CATSPERE: variants seen among roughly 807,000 people sequenced by gnomAD.
CATSPERE encodes the protein cation channel sperm-associated auxiliary subunit epsilon.
CATSPERE carries 93 observed loss-of-function variants against 114.1 expected under a neutral mutation model. The ratio of observed to expected loss-of-function variants is 0.81; its 90% CI spans 0.69 to 0.97. The LOEUF (loss-of-function observed/expected upper bound fraction) is 0.97. Among genes scored for constraint, CATSPERE ranks in the 50% least tolerant of loss-of-function variants. CATSPERE has a pLI of 0.00. For synonymous variants in CATSPERE, 341 were observed against 384.1 expected (o/e 0.89, Z 1.31); for missense variants, 1,058 against 1,131.6 (o/e 0.93, Z 0.93).
chr1:244,582,490 C>T (rs1025854948), intron 12 of CATSPERE, among the ~76,000 whole-genome samples: 10 of 151,646 alleles, frequency 6.6e-5, no homozygotes, highest in Non-Finnish European at 1.3e-4. Flanking sequence ...GCAACCTCCA[C>T]CTCGCAGGTT....
At chr1:244,621,401 T>C (rs1298154060) in intron 20 of CATSPERE, among the ~76,000 whole-genome samples, 1 of 146,300 alleles carries the variant, frequency 6.8e-6, no homozygotes, top group African/African-American at 2.5e-5. Context: ...CTGGATTTCA[T>C]ATTAGCTGAC....
intron 11 of CATSPERE, among the ~76,000 whole-genome samples, chr1:244,577,428 C>A (rs571824495): frequency 6.6e-6 from 1 of 152,324 alleles, no homozygotes; most frequent in Admixed American, 6.5e-5. Context: ...TGTTTGAAAT[C>A]TATCTTAGTC....
intron 8 of CATSPERE, among the ~76,000 whole-genome samples, chr1:244,544,393 A>G (rs1659391304): frequency 1.3e-5 from 2 of 152,198 alleles, no homozygotes; most frequent in South Asian, 4.1e-4. Flanking sequence ...TAGATGATCA[A>G]TGGAGTTTTA....
intron 8 of CATSPERE, among the ~76,000 whole-genome samples, chr1:244,524,365 G>C (rs1280800753): frequency 6.6e-6 from 1 of 150,654 alleles, no homozygotes; most frequent in Non-Finnish European, 1.5e-5. Context: ...TTAAACATTA[G>C]ACCTAAAACC....
intron 8 of CATSPERE, among the ~76,000 whole-genome samples, chr1:244,546,230 G>C (rs1659730527): frequency 6.6e-6 from 1 of 152,178 alleles, no homozygotes; most frequent in Admixed American, 6.5e-5. Context: ...TGTACCAACT[G>C]TGATGGTCCT....
chr1:244,530,328 A>T (rs1005357680), intron 8 of CATSPERE, among the ~76,000 whole-genome samples: 3 of 152,130 alleles, frequency 2.0e-5, no homozygotes, highest in African/African-American at 4.8e-5. Flanking sequence ...AGTTCACTGT[A>T]GATGTATTGA....
intron 17 of CATSPERE, among the ~76,000 whole-genome samples, chr1:244,602,622 C>A (rs1669418132): frequency 6.6e-6 from 1 of 152,170 alleles, no homozygotes. Flanking sequence ...GATTCAGAGT[C>A]CCAGGGCTTG....
intron 20 of CATSPERE, among the ~76,000 whole-genome samples, chr1:244,619,840 A>G (rs1262268279): frequency 6.6e-6 from 1 of 152,236 alleles, no homozygotes; most frequent in Non-Finnish European, 1.5e-5. Context: ...TAAAATATTC[A>G]TGAATTTTAT....
intron 7 of CATSPERE, among the ~76,000 whole-genome samples, chr1:244,512,395 C>A (rs4620524): frequency 1.3e-5 from 2 of 152,038 alleles, no homozygotes; most frequent in African/African-American, 4.8e-5. Flanking sequence ...TGACCTTTTT[C>A]TTTAATATCT....
At chr1:244,634,838 C>T (rs953751181) in intron 20 of CATSPERE, among the ~76,000 whole-genome samples, 1 of 152,186 alleles carries the variant, frequency 6.6e-6, no homozygotes, top group Non-Finnish European at 1.5e-5. Context: ...TAGCAATGCT[C>T]AATTAGTATT....
chr1:244,483,453 G>A (rs972072267), intron 5 of CATSPERE, among the ~76,000 whole-genome samples: 3 of 152,152 alleles, frequency 2.0e-5, no homozygotes, highest in Non-Finnish European at 2.9e-5. Flanking sequence ...CTAGTAGTAC[G>A]TGAAAGTTTC....
intron 19 of CATSPERE, among the ~76,000 whole-genome samples, chr1:244,612,361 A>C (rs10754835): frequency 0.76 from 116,119 of 151,852 alleles, 44,988 homozygotes; most frequent in South Asian, 0.89. Context: ...TAATTGCTAC[A>C]TAGTCCTTCT....
At chr1:244,523,296 C>T (rs191897948) in intron 8 of CATSPERE, among the ~76,000 whole-genome samples, 2 of 146,910 alleles carry the variant, frequency 1.4e-5, no homozygotes, top group Non-Finnish European at 3.0e-5. Context: ...ACCCTTCATG[C>T]TAAAAACTCT....
chr1:244,591,580 T>C (rs1667725338), intron 14 of CATSPERE, 101 bp from the exon 15 acceptor site: 1 of 655,926 alleles, frequency 1.5e-6, no homozygotes, highest in East Asian at 3.0e-5. Flanking sequence ...GATGATTCTC[T>C]GACACTCTCC....
intron 8 of CATSPERE, among the ~76,000 whole-genome samples, chr1:244,519,021 C>CACAT (rs1300926098): frequency 1.3e-5 from 2 of 151,926 alleles, no homozygotes; most frequent in Non-Finnish European, 1.5e-5. Flanking sequence ...CCCGTACACA[C>CACAT]ACATACACAC....
intron 5 of CATSPERE, among the ~76,000 whole-genome samples, chr1:244,488,262 ATACT>A (rs1293144827): frequency 6.6e-6 from 1 of 152,208 alleles, no homozygotes; most frequent in Non-Finnish European, 1.5e-5. Context: ...TCTTACTGTA[ATACT>A]TAATTTCTAT....
chr1:244,624,144 TGTA>T (rs1176521892), intron 20 of CATSPERE, among the ~76,000 whole-genome samples: 38 of 148,182 alleles, frequency 2.6e-4, no homozygotes, highest in Middle Eastern at 3.4e-3. Context: ...TTTTTTTTTT[TGTA>T]TTTTTAGTAG....
chr1:244,500,812 C>T (rs181372023), intron 7 of CATSPERE, among the ~76,000 whole-genome samples: 151 of 152,130 alleles, frequency 9.9e-4, no homozygotes, highest in African/African-American at 3.3e-3. Context: ...TGCTTAGGAT[C>T]GTCTTGGCTA....
At chr1:244,483,827 T>A (rs1670611043) in intron 5 of CATSPERE, among the ~76,000 whole-genome samples, 1 of 152,172 alleles carries the variant, frequency 6.6e-6, no homozygotes, top group Non-Finnish European at 1.5e-5. Flanking sequence ...AATTTATTAA[T>A]CCTTTCCTTT....
Sources: allele counts gnomAD v4.1 joint callset (sites outside exome capture counted in the v4.1 genomes callset), GRCh38; gene constraint gnomAD v4.1.1; transcripts MANE v1.5; gene names NCBI Gene and HGNC (gene_info 2026-07-23, HGNC 2026-07-21).